TAFA1: variants seen among roughly 807,000 people sequenced by gnomAD.
TAFA1 encodes the protein TAFA chemokine like family member 1.
In TAFA1, 4 loss-of-function variants were observed where a neutral mutation model predicts 18.5. The ratio of observed to expected loss-of-function variants is 0.22; its 90% CI spans 0.11 to 0.49. The LOEUF (loss-of-function observed/expected upper bound fraction) is 0.49, where lower values mean the gene tolerates loss of function less well. TAFA1 is among the 20% of genes least tolerant of loss of function. The probability of loss-of-function intolerance (pLI) is 0.98; values close to 1 mark genes in which losing one functional copy is unlikely to be tolerated. For synonymous variants in TAFA1, 56 were observed against 55.2 expected, an observed-to-expected ratio of 1.01 and a Z score of -0.06; for missense variants, 147 against 169.0, an observed-to-expected ratio of 0.87 and a Z score of 0.72.
chr3:68,224,139 A>G (rs2066767116), intron 2 of TAFA1, among the ~76,000 whole-genome samples: 1 of 151,922 alleles, frequency 6.6e-6, no homozygotes, highest in South Asian at 2.1e-4. Context: ...TAAAATGTAA[A>G]ATATTTTAGA....
In TAFA1 at chr3:68,243,470, C is replaced by T. The variant is rs117560927; in HGVS notation, c.119-173810C>T. Reference sequence around the variant, plus strand: ...CCCTTCATAGCCATACCTACACCTCCTCACCCTCTGCCCTGCCCATCACAA... The same window carrying T: ...CCCTTCATAGCCATACCTACACCTCTTCACCCTCTGCCCTGCCCATCACAA... On this transcript the variant is annotated intron_variant, in intron 2 of 4. Transcript: ENST00000478136. 5.7e-3 allele frequency among the ~76,000 whole-genome samples: 868 copies of T among 152,212 alleles called. 41 individuals carry two copies. The East Asian group carries it at 0.11, about 19-fold the overall frequency.
intron 2 of TAFA1, among the ~76,000 whole-genome samples, chr3:68,190,717 T>G (rs1021360371): frequency 1.2e-4 from 18 of 151,808 alleles, no homozygotes; most frequent in African/African-American, 4.4e-4. Flanking sequence ...TGGGAGGAGT[T>G]TGTGAGAACA....
At chr3:68,112,151 T>G (rs576161537) in intron 2 of TAFA1, among the ~76,000 whole-genome samples, 1 of 152,180 alleles carries the variant, frequency 6.6e-6, no homozygotes, top group South Asian at 2.1e-4. Flanking sequence ...GCTTTAACAG[T>G]GGGCATCTGT....
At chr3:68,193,521 T>C (rs1382337993) in intron 2 of TAFA1, among the ~76,000 whole-genome samples, 3 of 151,782 alleles carry the variant, frequency 2.0e-5, no homozygotes, top group Non-Finnish European at 4.4e-5. Context: ...TGATACTCAA[T>C]AGTTTCTTGC....
rs1278466567 is a variant in TAFA1, at chr3:68,220,547, G to C, written c.119-196733G>C. On this transcript the variant is annotated intron_variant, in intron 2 of 4. Transcript: ENST00000478136. Reference sequence around the variant, plus strand: ...AAAACTACTGATGGATGTCCATTCCGATTTACAGCTCTGTCCAATCTGTCA... The same window carrying C: ...AAAACTACTGATGGATGTCCATTCCCATTTACAGCTCTGTCCAATCTGTCA... 3.3e-5 allele frequency among the ~76,000 whole-genome samples: 5 copies of C among 151,804 alleles called. No individual in the cohort carries two copies. The South Asian group carries it at 1.0e-3, about 32-fold the overall frequency.
At chr3:68,524,417 G>A (rs1218822664) in intron 3 of TAFA1, among the ~76,000 whole-genome samples, 1 of 152,182 alleles carries the variant, frequency 6.6e-6, no homozygotes, top group Non-Finnish European at 1.5e-5. Flanking sequence ...GGCAAAGTCA[G>A]TGCACAGAGG....
At chr3:68,303,032 T>C (rs2068334001) in intron 2 of TAFA1, among the ~76,000 whole-genome samples, 1 of 152,134 alleles carries the variant, frequency 6.6e-6, no homozygotes, top group Admixed American at 6.5e-5. Flanking sequence ...TGACTACATA[T>C]TTTTTTCAAA....
At chr3:68,407,514 T>C (rs949606313) in intron 2 of TAFA1, among the ~76,000 whole-genome samples, 6 of 152,214 alleles carry the variant, frequency 3.9e-5, no homozygotes, top group Admixed American at 2.6e-4. Flanking sequence ...CTGTTCACTA[T>C]AGGATGCAAT....
At chr3:68,306,788 G>C (rs66710880) in intron 2 of TAFA1, among the ~76,000 whole-genome samples, 19,441 of 152,122 alleles carry the variant, frequency 0.13, 1,866 homozygotes, top group East Asian at 0.45. Context: ...CTACACAGGA[G>C]CAGGGGTGGA....
At chr3:68,305,000 C>T (rs1238506525) in intron 2 of TAFA1, among the ~76,000 whole-genome samples, 1 of 151,938 alleles carries the variant, frequency 6.6e-6, no homozygotes, top group African/African-American at 2.4e-5. Context: ...GTATTAGTTC[C>T]CTAGGATGGC....
intron 2 of TAFA1, among the ~76,000 whole-genome samples, chr3:68,126,354 A>C (rs2065464885): frequency 6.6e-6 from 1 of 152,214 alleles, no homozygotes; most frequent in South Asian, 2.1e-4. Flanking sequence ...TCAGTAGGGT[A>C]CTGCTCAATT....
intron 2 of TAFA1, among the ~76,000 whole-genome samples, chr3:68,221,031 A>T (rs753250782): frequency 6.6e-6 from 1 of 152,076 alleles, no homozygotes; most frequent in African/African-American, 2.4e-5. Flanking sequence ...GCCTCCAACC[A>T]CATCCTTAGC....
At chr3:68,393,131 A>G (rs1490952396) in intron 2 of TAFA1, among the ~76,000 whole-genome samples, 1 of 152,162 alleles carries the variant, frequency 6.6e-6, no homozygotes, top group African/African-American at 2.4e-5. Context: ...AGAGAGAAGA[A>G]TCAAGTAGAC....
chr3:68,047,982 A>T (rs1314943485), intron 2 of TAFA1, among the ~76,000 whole-genome samples: 1 of 152,126 alleles, frequency 6.6e-6, no homozygotes, highest in Non-Finnish European at 1.5e-5. Flanking sequence ...TGCAGTAACC[A>T]TCTTCTGAGC....
At chr3:68,231,384 C>G (rs1336575255) in intron 2 of TAFA1, among the ~76,000 whole-genome samples, 91 of 112,996 alleles carry the variant, frequency 8.1e-4, no homozygotes, top group African/African-American at 3.1e-3. Flanking sequence ...GACGGAGTCT[C>G]GCTCTGTCGC....
chr3:68,412,378 TTTATTA>T (rs1376143680), intron 2 of TAFA1, among the ~76,000 whole-genome samples: 1 of 151,764 alleles, frequency 6.6e-6, no homozygotes, highest in African/African-American at 2.4e-5. Flanking sequence ...TATATATTCT[TTTATTA>T]TTATTATTAT....
chr3:68,024,805 G>GCACGCACA (rs1214357739), intron 2 of TAFA1, among the ~76,000 whole-genome samples: 3 of 73,582 alleles, frequency 4.1e-5, no homozygotes, highest in Non-Finnish European at 8.5e-5. Context: ...TCTCCTTAAT[G>GCACGCACA]CACACACACA....
chr3:68,052,117 A>T (rs529116586), intron 2 of TAFA1, among the ~76,000 whole-genome samples: 2 of 152,240 alleles, frequency 1.3e-5, no homozygotes, highest in East Asian at 3.9e-4. Context: ...TGATTTTTGA[A>T]ATGGAATATC....
rs56258198 is a variant in TAFA1 at position 68,405,699 on chromosome 3, C to CAAAAA, written c.119-11544_119-11540dup. 2.2e-3 allele frequency among the ~76,000 whole-genome samples: 72 copies of CAAAAA among 32,870 alleles called. 7 individuals carry two copies. Among genetic ancestry groups the CAAAAA allele is most frequent in the South Asian group, 3.5e-3 (2 of 576 alleles). 21.6% of individuals were successfully genotyped at this position (32,870 alleles called of 152,430 possible). ...TAGGCAATGGAGTGAGACTCTATCT[C>CAAAAA]AAAAAAAAAAAAAAAAAAAAAAAAA... On this transcript the variant is annotated intron_variant, in intron 2 of 4. Transcript: ENST00000478136.
Sources: gnomAD v4.1 joint callset for allele counts (sites outside exome capture counted in the v4.1 genomes callset) on GRCh38, gnomAD v4.1.1 for gene constraint, MANE v1.5 for transcripts, NCBI Gene and HGNC (gene_info 2026-07-23, HGNC 2026-07-21) for gene names.